NEDD9: variants seen among roughly 807,000 people sequenced by gnomAD.
NEDD9 encodes enhancer of filamentation 1.
NEDD9 carries 26 observed loss-of-function variants against 76.6 expected under a neutral mutation model. That is an observed-to-expected ratio of 0.34 (90% CI 0.25 to 0.47). The LOEUF (loss-of-function observed/expected upper bound fraction) is 0.47. Ranked by LOEUF, NEDD9 falls within the 20% of genes least tolerant of loss-of-function variation. The pLI, the probability that NEDD9 is intolerant of heterozygous loss-of-function variation, is 1.00. For missense variants in NEDD9, 937 were observed against 1,058.5 expected (o/e 0.89, Z 1.59); for synonymous variants, 392 against 414.2 (o/e 0.95, Z 0.65).
intron 2 of NEDD9, among the ~76,000 whole-genome samples, chr6:11,306,601 A>G (rs1314045949): frequency 6.6e-6 from 1 of 152,024 alleles, no homozygotes; most frequent in East Asian, 1.9e-4. Flanking sequence ...CTTGTCATTG[A>G]TTTCATTGAT....
Position 11,193,625 on chromosome 6 carries a change from A to C in NEDD9, c.527T>G (p.Val176Gly). 1 of 1,613,880 alleles carries C rather than the reference A, an allele frequency of 6.2e-7. No homozygotes were observed. Among genetic ancestry groups the C allele is most frequent in the Non-Finnish European group, 8.5e-7 (1 of 1,179,824 alleles). ...GGTATGAGAAGGAGGGATATCATAG[A>C]CGTCCTTTTGGTATCTGGATGGGTA... is the stretch of plus-strand genomic sequence containing the variant. Reference protein sequence around the residue: ...YEYPSRYQKDVYDIPPSHTTQ... With the variant: ...YEYPSRYQKDGYDIPPSHTTQ... The change falls in exon 3 of 7, where the codon GTC (valine) becomes GGC (glycine). Residue 176 changes from valine to glycine, a missense_variant. Val to Gly is a moderately radical substitution (Grantham distance 109). Transcript: ENST00000379446.
At chr6:11,253,131 C>T (rs1759942676) in intron 3 of NEDD9, among the ~76,000 whole-genome samples, 1 of 152,068 alleles carries the variant, frequency 6.6e-6, no homozygotes, top group Non-Finnish European at 1.5e-5. Flanking sequence ...GATCAGGGTA[C>T]GGTCAAAAGA....
At chr6:11,235,110 G>C (rs1759572262), upstream of NEDD9, among the ~76,000 whole-genome samples, 1 of 152,126 alleles carries the variant, frequency 6.6e-6, no homozygotes, top group Non-Finnish European at 1.5e-5. This position sits in a 1 kb window ranked among gnomAD's most constrained non-coding sequence, Gnocchi z 4.1. Context: ...AATGTGGATA[G>C]AATTTAATAG....
At chr6:11,334,282 G>A (rs1018884645) in intron 2 of NEDD9, among the ~76,000 whole-genome samples, 7 of 152,118 alleles carry the variant, frequency 4.6e-5, no homozygotes, top group South Asian at 2.1e-4. Flanking sequence ...ATTAAGGGGC[G>A]ATTTTGTTGT....
intron 3 of NEDD9, among the ~76,000 whole-genome samples, chr6:11,256,516 G>T (rs1048151624): frequency 1.3e-5 from 2 of 152,042 alleles, no homozygotes; most frequent in Admixed American, 1.3e-4. Context: ...TTTTGAGACA[G>T]GTCTCACTCT....
In NEDD9 at chr6:11,205,772, C is replaced by T. The variant is rs140370751; in HGVS notation, c.459+7509G>A. ...CTCCGAAGTAACTCGGATTAACAGG[C>T]ATGCACCACCATGCCTGGCTAATTT... is the stretch of plus-strand genomic sequence containing the variant. On this transcript the variant is annotated intron_variant, in intron 2 of 6. Coordinates refer to ENST00000379446, the MANE Select transcript of NEDD9 (RefSeq NM_006403.4). Among the ~76,000 whole-genome samples the T allele has an allele frequency of 1.7e-3, 253 of 152,240 alleles. 1 individual carries two copies. The highest frequency in any genetic ancestry group is 0.01 in the Middle Eastern group (3 of 294).
At chr6:11,214,437 C>T (rs948963427) in intron 1 of NEDD9, among the ~76,000 whole-genome samples, 1 of 152,248 alleles carries the variant, frequency 6.6e-6, no homozygotes, top group African/African-American at 2.4e-5. Context: ...TTTATGCATA[C>T]CTTTCCTGAG....
At chr6:11,249,815 T>G (rs1411581655) in intron 3 of NEDD9, among the ~76,000 whole-genome samples, 2 of 152,236 alleles carry the variant, frequency 1.3e-5, no homozygotes, top group Non-Finnish European at 2.9e-5. Flanking sequence ...ATAGAGTGCA[T>G]TTCCCTCTTC....
At chr6:11,232,803 T>A, upstream of NEDD9, 1 of 994,992 alleles carries the variant, frequency 1.0e-6, no homozygotes, top group Non-Finnish European at 1.4e-6. Context: ...GAACTTGTAA[T>A]GTGATCGCTT....
intron 2 of NEDD9, among the ~76,000 whole-genome samples, chr6:11,307,688 C>T (rs1176014546): frequency 1.3e-5 from 2 of 152,068 alleles, no homozygotes; most frequent in Admixed American, 1.3e-4. Flanking sequence ...GGAAATATAA[C>T]ACACATATAG....
At position 11,225,070 on chromosome 6, in the gene NEDD9, G is replaced by A. The variant is rs999540825; in HGVS notation, c.12+7434C>T. Among the ~76,000 whole-genome samples the A allele has an allele frequency of 2.6e-5, 4 of 152,184 alleles. No individual in the cohort carries two copies. In the South Asian group the frequency reaches 6.2e-4, roughly 24 times the overall value. ...GTTTTGGTTACTGCAACTTTCTACT[G>A]GGTTTCACAGATAATTAATCCATCC... On this transcript the variant is annotated intron_variant, in intron 1 of 6. Coordinates refer to ENST00000379446, the MANE Select transcript of NEDD9 (RefSeq NM_006403.4).
intron 1 of NEDD9, among the ~76,000 whole-genome samples, chr6:11,346,459 T>C (rs1032318109): frequency 5.5e-5 from 8 of 144,380 alleles, no homozygotes; most frequent in Non-Finnish European, 9.1e-5. Flanking sequence ...CGTTGTACTG[T>C]TATAAGAAGG....
At chr6:11,249,267 T>TCAAA (rs1160858892) in intron 3 of NEDD9, 28 of 432,970 alleles carry the variant, frequency 6.5e-5, no homozygotes, top group African/African-American at 4.3e-4. Flanking sequence ...TGACTGTGAG[T>TCAAA]AACAGAAAAA....
intron 2 of NEDD9, among the ~76,000 whole-genome samples, chr6:11,197,478 G>T (rs1460506149): frequency 6.6e-6 from 1 of 152,142 alleles, no homozygotes; most frequent in Non-Finnish European, 1.5e-5. Context: ...GTCCCTAGGA[G>T]GAATCCAACC....
intron 2 of NEDD9, among the ~76,000 whole-genome samples, chr6:11,209,948 G>A (rs931743015): frequency 7.3e-6 from 1 of 136,512 alleles, no homozygotes; most frequent in Non-Finnish European, 1.6e-5. Context: ...AAGTTGAAGT[G>A]ATAGAAGGCA....
intron 1 of NEDD9, among the ~76,000 whole-genome samples, chr6:11,225,702 C>T (rs1759288624): frequency 1.3e-5 from 2 of 151,982 alleles, no homozygotes; most frequent in Non-Finnish European, 2.9e-5. Flanking sequence ...GGGGTTTCAC[C>T]GTGTTAGCCA....
chr6:11,251,423 A>G (rs1759911299), intron 3 of NEDD9: 1 of 152,204 alleles, frequency 6.6e-6, no homozygotes, highest in Non-Finnish European at 1.5e-5. Context: ...GAGGAAATTG[A>G]CAACCTCCCC....
At chr6:11,363,670 C>G (rs529182290) in intron 1 of NEDD9, among the ~76,000 whole-genome samples, 187 of 152,278 alleles carry the variant, frequency 1.2e-3, no homozygotes, top group African/African-American at 4.4e-3. Context: ...CCAACAACAT[C>G]CCCAGTTACG....
At chr6:11,258,861 G>A (rs577842645) in intron 3 of NEDD9, 1 of 152,380 alleles carries the variant, frequency 6.6e-6, no homozygotes, top group South Asian at 2.1e-4. Flanking sequence ...CCTAAGAAGA[G>A]CAAGAGGAGC....
Sources: gnomAD v4.1 joint callset for allele counts (sites outside exome capture counted in the v4.1 genomes callset) on GRCh38, gnomAD v4.1.1 for gene constraint, Gnocchi (gnomAD v3.1) non-coding constraint, MANE v1.5 for transcripts, NCBI Gene and HGNC (gene_info 2026-07-23, HGNC 2026-07-21) for gene names.